Variants in COL5A2 observed in about 807,000 individuals in gnomAD.
COL5A2 encodes the protein collagen alpha-2(V) chain.
COL5A2 carries 23 observed loss-of-function variants against 208.2 expected under a neutral mutation model. The observed-to-expected ratio is 0.11, with a 90% CI of 0.08 to 0.16. COL5A2 has a LOEUF of 0.16. COL5A2 is among the 10% of genes least tolerant of loss of function. The probability of loss-of-function intolerance (pLI) is 1.00; values close to 1 mark genes in which losing one functional copy is unlikely to be tolerated. For synonymous variants in COL5A2, 625 were observed against 628.5 expected, an observed-to-expected ratio of 0.99 and a Z score of 0.08; for missense variants, 1,590 against 1,956.4, an observed-to-expected ratio of 0.81 and a Z score of 3.53.
Position 189,151,144 on chromosome 2 carries a change from C to A in COL5A2, c.97+28364G>T, listed in dbSNP as rs185515289. 2.9e-3 allele frequency among the ~76,000 whole-genome samples: 435 copies of A among 152,160 alleles called. 2 individuals carry two copies. Among genetic ancestry groups the A allele is most frequent in the Middle Eastern group, 0.01 (3 of 294 alleles). The stretch of plus-strand genomic sequence containing the variant: ...TGTAACCCATTTCCACACAGATAAT[C>A]ACTGCAAACATTTTAAGACACACTA... On this transcript the variant is annotated intron_variant, in intron 1 of 53. Transcript: ENST00000374866.
At chr2:189,094,339 G>C (rs1686853986) in intron 6 of COL5A2, among the ~76,000 whole-genome samples, 1 of 151,980 alleles carries the variant, frequency 6.6e-6, no homozygotes, top group Admixed American at 6.6e-5. Flanking sequence ...CTCATTAAAA[G>C]TATCTATTTT....
At chr2:189,064,158 ATTT>A (rs1259665174) in intron 25 of COL5A2, 125 bp from the exon 26 acceptor site, 1 of 779,966 alleles carries the variant, frequency 1.3e-6, no homozygotes, top group Non-Finnish European at 2.1e-6. Flanking sequence ...AATCAAATAA[ATTT>A]TTAAGTGATG....
intron 1 of COL5A2, among the ~76,000 whole-genome samples, chr2:189,171,701 T>C (rs570591611): frequency 3.3e-5 from 5 of 152,326 alleles, no homozygotes; most frequent in Admixed American, 3.3e-4. Flanking sequence ...AGGCTGCCTT[T>C]GGGACAGCTG....
the COL5A2 span, among the ~76,000 whole-genome samples, chr2:189,325,343 A>T: frequency 2.0e-5 from 3 of 150,122 alleles, no homozygotes; most frequent in Non-Finnish European, 3.0e-5. Flanking sequence ...TATAAATAAA[A>T]AAATAAAGAA....
At chr2:189,417,490 A>AT in the COL5A2 span, among the ~76,000 whole-genome samples, 3 of 151,430 alleles carry the variant, frequency 2.0e-5, no homozygotes, top group Non-Finnish European at 4.4e-5. Context: ...GTTTCTATAT[A>AT]AATTTCCAGA....
chr2:189,415,594 G>T, the COL5A2 span, among the ~76,000 whole-genome samples: 4,778 of 152,238 alleles, frequency 0.031, 108 homozygotes, highest in South Asian at 0.05. Flanking sequence ...GTTTTAAGTA[G>T]TTTGAAGCTA....
the COL5A2 span, among the ~76,000 whole-genome samples, chr2:189,379,569 C>T: frequency 6.6e-6 from 1 of 152,134 alleles, no homozygotes; most frequent in Admixed American, 6.5e-5. Flanking sequence ...TCGAGATACT[C>T]AGCTCAAGAC....
At chr2:189,417,655 T>C in the COL5A2 span, among the ~76,000 whole-genome samples, 1 of 145,098 alleles carries the variant, frequency 6.9e-6, no homozygotes, top group Non-Finnish European at 1.5e-5. Context: ...CTATATCAAC[T>C]TTTTTTCATT....
At chr2:189,404,866 C>G in the COL5A2 span, among the ~76,000 whole-genome samples, 1 of 152,120 alleles carries the variant, frequency 6.6e-6, no homozygotes, top group Non-Finnish European at 1.5e-5. Flanking sequence ...GAGTAGTATT[C>G]TACTGTATGA....
At chr2:189,286,387 T>C in the COL5A2 span, among the ~76,000 whole-genome samples, 1 of 152,168 alleles carries the variant, frequency 6.6e-6, no homozygotes, top group African/African-American at 2.4e-5. Context: ...TTACAGTGAA[T>C]GGAAAATGTT....
At chr2:189,141,706 A>G (rs916375653) in intron 1 of COL5A2, among the ~76,000 whole-genome samples, 1 of 152,218 alleles carries the variant, frequency 6.6e-6, no homozygotes, top group Non-Finnish European at 1.5e-5. Flanking sequence ...AGCGAAATGC[A>G]CTGTTAAATT....
At chr2:189,197,521 G>C (rs984194943) in intron 1 of COL5A2, among the ~76,000 whole-genome samples, 2 of 152,072 alleles carry the variant, frequency 1.3e-5, no homozygotes, top group Admixed American at 6.6e-5. Flanking sequence ...GCTATTCCCT[G>C]TTTCTGGGTG....
chr2:189,165,205 G>A (rs954503468), intron 1 of COL5A2, among the ~76,000 whole-genome samples: 17 of 152,106 alleles, frequency 1.1e-4, no homozygotes, highest in Non-Finnish European at 2.4e-4. Context: ...AATACCAAAG[G>A]ATAATTTTTG....
chr2:189,191,341 T>C (rs1359255443), intron 1 of COL5A2, among the ~76,000 whole-genome samples: 7 of 152,024 alleles, frequency 4.6e-5, no homozygotes, highest in Non-Finnish European at 7.4e-5. Flanking sequence ...GGAAATATTT[T>C]AAAAGCTAAC....
In COL5A2 at chr2:189,068,066, T is replaced by A; in HGVS notation, c.1350A>T (p.Gly450=). 1 of 1,614,052 alleles carries A rather than the reference T, an allele frequency of 6.2e-7. No individual in the cohort carries two copies. Among genetic ancestry groups the A allele is most frequent in the Non-Finnish European group, 8.5e-7 (1 of 1,179,998 alleles). ...SGPPGSAGPP[G]SPGPQGSTGP... is the part of the protein sequence containing the mutation. ...CAGTGCTACCCTGAGGTCCTGGAGA[T>A]CCAGGAGGCCCTGCTGAGCCAGGAG... Residue 450 remains glycine (G), a synonymous_variant, in exon 21 of 54, where the codon GGA becomes GGT. Coordinates refer to ENST00000374866, the MANE Select transcript of COL5A2 (RefSeq NM_000393.5).
the COL5A2 span, among the ~76,000 whole-genome samples, chr2:189,359,639 T>C: frequency 6.6e-6 from 1 of 152,176 alleles, no homozygotes; most frequent in Non-Finnish European, 1.5e-5. Flanking sequence ...TTGAGTAGAA[T>C]TGGTGTTGGC....
the COL5A2 span, among the ~76,000 whole-genome samples, chr2:189,268,091 T>C: frequency 1.3e-5 from 2 of 152,190 alleles, no homozygotes; most frequent in South Asian, 2.1e-4. Context: ...CAGTAAATAG[T>C]ATTCAGATAG....
At chr2:189,069,925 C>T (rs1686233825) in intron 18 of COL5A2, among the ~76,000 whole-genome samples, 1 of 152,062 alleles carries the variant, frequency 6.6e-6, no homozygotes, top group African/African-American at 2.4e-5. Flanking sequence ...AGCAAAATAC[C>T]ATCTATTTTT....
At chr2:189,141,336 C>T (rs987942134) in intron 1 of COL5A2, among the ~76,000 whole-genome samples, 4 of 152,048 alleles carry the variant, frequency 2.6e-5, no homozygotes, top group African/African-American at 7.3e-5. Context: ...TAAATGCTCA[C>T]GACTATTCAA....
Sources: allele counts gnomAD v4.1 joint callset (sites outside exome capture counted in the v4.1 genomes callset), GRCh38; gene constraint gnomAD v4.1.1; transcripts MANE v1.5; gene names NCBI Gene and HGNC (gene_info 2026-07-23, HGNC 2026-07-21).